ITCH: variants seen among roughly 807,000 people sequenced by gnomAD.
The protein encoded by ITCH is itchy E3 ubiquitin protein ligase, also known as E3 ubiquitin-protein ligase Itchy homolog.
In ITCH, 28 loss-of-function variants were observed where a neutral mutation model predicts 126.8. The observed-to-expected ratio is 0.22, with a 90% CI of 0.16 to 0.30. ITCH has a LOEUF of 0.30. Ranked by LOEUF, ITCH falls within the 10% of genes least tolerant of loss-of-function variation. The pLI, the probability that ITCH is intolerant of heterozygous loss-of-function variation, is 1.00. For synonymous variants in ITCH, 342 were observed against 340.0 expected (o/e 1.01, Z -0.06); for missense variants, 631 against 1,032.4 (o/e 0.61, Z 5.33).
chr20:34,421,377 A>T, intron 6 of ITCH, among the ~76,000 whole-genome samples: 1 of 152,170 alleles, frequency 6.6e-6, no homozygotes, highest in East Asian at 1.9e-4. Flanking sequence ...TTGTGGTGGG[A>T]GGGCAGGTCA....
chr20:34,481,413 ACT>A (rs1192075537), intron 20 of ITCH, among the ~76,000 whole-genome samples: 2 of 152,124 alleles, frequency 1.3e-5, no homozygotes, highest in Admixed American at 1.3e-4. Flanking sequence ...ATGCAGGATC[ACT>A]CTTTTAAACA....
intron 2 of ITCH, among the ~76,000 whole-genome samples, chr20:34,369,903 G>A (rs9789792): frequency 0.55 from 82,985 of 151,306 alleles, 23,243 homozygotes; most frequent in Admixed American, 0.64. Flanking sequence ...CAAGAGTTTG[G>A]GACCAGCCTG....
intron 3 of ITCH, among the ~76,000 whole-genome samples, chr20:34,400,987 G>A (rs1301614047): frequency 6.6e-6 from 1 of 152,064 alleles, no homozygotes; most frequent in African/African-American, 2.4e-5. Context: ...TCAAAATCCT[G>A]ACCTCAAGTG....
intron 20 of ITCH, among the ~76,000 whole-genome samples, chr20:34,487,450 T>G (rs531136335): frequency 2.0e-5 from 3 of 152,198 alleles, no homozygotes; most frequent in Non-Finnish European, 4.4e-5. Context: ...CCTTGCTATT[T>G]GTTTCTTATT....
chr20:34,383,888 A>T (rs2038165154), intron 2 of ITCH, among the ~76,000 whole-genome samples: 1 of 111,622 alleles, frequency 9.0e-6, no homozygotes. Flanking sequence ...CTTGTTGTCT[A>T]GGCTGGAGTG....
chr20:34,366,595 A>G (rs1183239542), intron 1 of ITCH, among the ~76,000 whole-genome samples: 3 of 152,062 alleles, frequency 2.0e-5, no homozygotes, highest in East Asian at 1.9e-4. Flanking sequence ...GGCTGGGCTC[A>G]GTGCCTCACA....
intron 2 of ITCH, among the ~76,000 whole-genome samples, chr20:34,385,518 A>G (rs2038251169): frequency 1.3e-5 from 2 of 152,148 alleles, no homozygotes; most frequent in South Asian, 4.1e-4. Flanking sequence ...GCAGTAGTCA[A>G]AGCTAGAAAC....
intron 20 of ITCH, among the ~76,000 whole-genome samples, chr20:34,488,224 T>A (rs1296931723): frequency 6.6e-6 from 1 of 152,046 alleles, no homozygotes; most frequent in Non-Finnish European, 1.5e-5. Context: ...TTTCACTTAG[T>A]GTGCATCTCT....
intron 16 of ITCH, chr20:34,476,006 T>G: frequency 6.3e-7 from 1 of 1,599,754 alleles, no homozygotes; most frequent in Non-Finnish European, 8.6e-7. Context: ...GTCCATAGAT[T>G]TTGTCAAACA....
At chr20:34,400,649 T>TTC (rs1555856838) in intron 3 of ITCH, among the ~76,000 whole-genome samples, 4 of 148,138 alleles carry the variant, frequency 2.7e-5, no homozygotes, top group South Asian at 2.2e-4. Flanking sequence ...AATTTTTCTT[T>TTC]TTTTTTTTTT....
chr20:34,502,019 C>CA (rs1327072643), intron 23 of ITCH, among the ~76,000 whole-genome samples: 1 of 151,988 alleles, frequency 6.6e-6, no homozygotes, highest in Non-Finnish European at 1.5e-5. Context: ...AAGGCTCTAA[C>CA]ATGTAAAAAA....
intron 24 of ITCH, among the ~76,000 whole-genome samples, chr20:34,506,045 C>A (rs1990600129): frequency 6.6e-6 from 1 of 151,928 alleles, no homozygotes; most frequent in African/African-American, 2.4e-5. Flanking sequence ...ATTATGCAGT[C>A]ATCACCATCA....
intron 1 of ITCH, among the ~76,000 whole-genome samples, chr20:34,366,852 C>T (rs1295294278): frequency 1.3e-5 from 2 of 151,974 alleles, no homozygotes; most frequent in African/African-American, 4.8e-5. Context: ...TGGTGATGAG[C>T]GAAAGGATGA....
chr20:34,370,169 G>T (rs1392806463), intron 2 of ITCH, among the ~76,000 whole-genome samples: 1 of 151,174 alleles, frequency 6.6e-6, no homozygotes, highest in Non-Finnish European at 1.5e-5. Context: ...GGAAAGAAAA[G>T]ATCTGGGTTC....
At chr20:34,503,483 T>C (rs1990390488) in intron 23 of ITCH, among the ~76,000 whole-genome samples, 1 of 152,206 alleles carries the variant, frequency 6.6e-6, no homozygotes, top group Non-Finnish European at 1.5e-5. Context: ...TGTAAGGGTA[T>C]GCCCTACAGG....
At chr20:34,456,633 C>CA (rs11480631) in intron 12 of ITCH, among the ~76,000 whole-genome samples, 39,416 of 126,346 alleles carry the variant, frequency 0.31, 5,954 homozygotes, top group East Asian at 0.4. Flanking sequence ...ACCTTGTCTC[C>CA]AAAAAAAAAA....
intron 2 of ITCH, among the ~76,000 whole-genome samples, chr20:34,374,756 A>T (rs113305675): frequency 2.1e-3 from 310 of 149,578 alleles, no homozygotes; most frequent in African/African-American, 6.2e-3. Flanking sequence ...TTTTTGAGAC[A>T]GAGTTTCACT....
At chr20:34,440,376 C>A in intron 9 of ITCH, 32 bp downstream of exon 9, 1 of 1,477,298 alleles carries the variant, frequency 6.8e-7, no homozygotes, top group Non-Finnish European at 9.5e-7. Context: ...CATATGTTGT[C>A]TTTAGGATTC....
At chr20:34,444,772 C>G (rs1984231861) in intron 10 of ITCH, among the ~76,000 whole-genome samples, 1 of 152,252 alleles carries the variant, frequency 6.6e-6, no homozygotes, top group Middle Eastern at 3.4e-3. Context: ...TCCCGCGTAG[C>G]TGGGACTACA....
Sources: gnomAD v4.1 joint callset for allele counts (sites outside exome capture counted in the v4.1 genomes callset) on GRCh38, gnomAD v4.1.1 for gene constraint, MANE v1.5 for transcripts, NCBI Gene and HGNC (gene_info 2026-07-23, HGNC 2026-07-21) for gene names.